Variants in EIF4ENIF1 observed in about 807,000 individuals in gnomAD.
EIF4ENIF1 encodes the protein eukaryotic translation initiation factor 4E transporter.
EIF4ENIF1 carries 23 observed loss-of-function variants against 110.5 expected under a neutral mutation model. The observed-to-expected ratio is 0.21, with a 90% CI of 0.15 to 0.29. EIF4ENIF1 has a LOEUF of 0.29. Among genes scored for constraint, EIF4ENIF1 ranks in the 10% least tolerant of loss-of-function variants. EIF4ENIF1 has a pLI of 1.00. For synonymous variants in EIF4ENIF1, 440 were observed against 437.0 expected, an observed-to-expected ratio of 1.01 and a Z score of -0.09; for missense variants, 1,031 against 1,221.1, an observed-to-expected ratio of 0.84 and a Z score of 2.32.
chr22:31,447,684 C>A, intron 13 of EIF4ENIF1, 119 bp from the exon 14 acceptor site: 1 of 1,064,906 alleles, frequency 9.4e-7, no homozygotes, highest in Non-Finnish European at 1.3e-6. Context: ...TTAGATACTG[C>A]GAAACTGACT....
At chr22:31,489,928 C>T (rs919193594), upstream of EIF4ENIF1, 1 of 152,302 alleles carries the variant, frequency 6.6e-6, no homozygotes, top group Admixed American at 6.5e-5. Context: ...CCGCCTTCCC[C>T]GCCGCGCGCC....
At position 31,439,955 on chromosome 22, in the gene EIF4ENIF1, T is replaced by G; in HGVS notation, c.2883A>C (p.Ser961=). Residue 961 remains serine, a synonymous_variant, in exon 19 of 19, where the codon TCA becomes TCC. Coordinates refer to ENST00000330125, the MANE Select transcript of EIF4ENIF1 (RefSeq NM_019843.4). The part of the protein sequence containing the change: ...SPVGLAKWFG[S]DVLQQPLPSM... ...AGGGCAGGGGTTGCTGTAGCACATCTGAGCCAAACCATTTGGCAAGGCCCA... is the reference window on the plus strand; with the variant it reads ...AGGGCAGGGGTTGCTGTAGCACATCGGAGCCAAACCATTTGGCAAGGCCCA... The G allele has an allele frequency of 1.9e-6, 3 of 1,614,190 alleles. No homozygotes were observed. The highest frequency in any genetic ancestry group is 2.5e-6 in the Non-Finnish European group (3 of 1,180,018).
At chr22:31,470,093 G>A (rs1209143051) in intron 3 of EIF4ENIF1, among the ~76,000 whole-genome samples, 3 of 150,302 alleles carry the variant, frequency 2.0e-5, no homozygotes, top group African/African-American at 7.3e-5. Flanking sequence ...GAACCCGGGA[G>A]GGGAAGGTTG....
Position 31,441,776 on chromosome 22 carries a change from G to T in EIF4ENIF1, c.2549C>A (p.Thr850Asn), listed in dbSNP as rs2050306069. 6.2e-7 allele frequency: 1 copy of T among 1,608,472 alleles called. No homozygotes were observed. The highest frequency in any genetic ancestry group is 1.1e-5 in the South Asian group (1 of 90,690). ...HPQHLPSLLQTGVLPPGMDLS... is the reference protein window; with the variant it reads ...HPQHLPSLLQNGVLPPGMDLS... Reference sequence around the variant, plus strand: ...CCCAAGTCAGGCTGGAAACTCACCAGTTTGGAGCAAACTTGGAAGATGCTG... The same window carrying T: ...CCCAAGTCAGGCTGGAAACTCACCATTTTGGAGCAAACTTGGAAGATGCTG... Residue 850 changes from threonine to asparagine, a missense_variant and splice_region_variant, in exon 17 of 19, where the codon ACT (threonine) becomes AAT (asparagine). Coordinates refer to ENST00000330125, the MANE Select transcript of EIF4ENIF1 (RefSeq NM_019843.4).
At chr22:31,476,863 G>T (rs891270791) in intron 2 of EIF4ENIF1, among the ~76,000 whole-genome samples, 2 of 151,588 alleles carry the variant, frequency 1.3e-5, no homozygotes, top group African/African-American at 4.8e-5. Flanking sequence ...AGCCAGGTGT[G>T]GGGGTGCACA....
At chr22:31,437,384 T>G (rs1462489260), downstream of EIF4ENIF1, 2 of 152,140 alleles carry the variant, frequency 1.3e-5, no homozygotes, top group Non-Finnish European at 2.9e-5. Context: ...TCCCTTCCTC[T>G]CTGCCCTCAT....
intron 2 of EIF4ENIF1, among the ~76,000 whole-genome samples, chr22:31,479,684 GGT>G (rs954404142): frequency 1.9e-5 from 2 of 105,036 alleles, no homozygotes; most frequent in African/African-American, 3.4e-5. Flanking sequence ...CTTTTGGAAA[GGT>G]GTTTTTTTTT....
intron 12 of EIF4ENIF1, 113 bp from the exon 13 acceptor site, chr22:31,448,345 T>G: frequency 9.4e-7 from 1 of 1,059,058 alleles, no homozygotes; most frequent in South Asian, 1.3e-5. Context: ...AAAGCACTGA[T>G]TTATTGGGCT....
intron 10 of EIF4ENIF1, 65 bp from the exon 11 acceptor site, chr22:31,450,425 G>A: frequency 1.2e-5 from 16 of 1,331,370 alleles, no homozygotes; most frequent in Non-Finnish European, 1.7e-5. Flanking sequence ...GATTGATTGG[G>A]GACCACAAGA....
At chr22:31,438,762 C>T (rs899435916), downstream of EIF4ENIF1, among the ~76,000 whole-genome samples, 11 of 151,648 alleles carry the variant, frequency 7.3e-5, 1 homozygote, top group Non-Finnish European at 1.3e-4. Flanking sequence ...CTCACTCTGT[C>T]GCCAGGCTGG....
At chr22:31,444,888 G>C (rs2050414243) in intron 14 of EIF4ENIF1, among the ~76,000 whole-genome samples, 198 bp from the exon 15 acceptor site, 1 of 152,172 alleles carries the variant, frequency 6.6e-6, no homozygotes, top group African/African-American at 2.4e-5. Context: ...ATGAAACACA[G>C]TCCCAGTCTT....
At chr22:31,441,692 C>T in intron 17 of EIF4ENIF1, 82 bp downstream of exon 17, 1 of 1,214,304 alleles carries the variant, frequency 8.2e-7, no homozygotes, top group Non-Finnish European at 1.1e-6. Flanking sequence ...GGAAATCTCC[C>T]ACATTATAGC....
chr22:31,443,806 C>CTTTT (rs386395221), intron 15 of EIF4ENIF1, among the ~76,000 whole-genome samples: 3 of 129,142 alleles, frequency 2.3e-5, no homozygotes, highest in East Asian at 2.4e-4. Context: ...GGGAATGAAC[C>CTTTT]TTTTTTTTTT....
At chr22:31,442,860 T>C in intron 16 of EIF4ENIF1, 102 bp downstream of exon 16, 1 of 1,463,706 alleles carries the variant, frequency 6.8e-7, no homozygotes, top group Non-Finnish European at 9.2e-7. Context: ...CTAGTGGTCT[T>C]GCCCAGGGCT....
At chr22:31,468,043 A>G in intron 4 of EIF4ENIF1, 132 bp downstream of exon 4, 1 of 1,352,778 alleles carries the variant, frequency 7.4e-7, no homozygotes. Context: ...GAAAAATCCA[A>G]CCGATAAATC....
chr22:31,455,279 G>C lies in EIF4ENIF1; in HGVS notation c.1136C>G (p.Ser379Trp), dbSNP rs752932589. Residue 379 changes from serine to tryptophan, a missense_variant, in exon 9 of 19, where the codon TCG (serine) becomes TGG (tryptophan). Coordinates refer to ENST00000330125, the MANE Select transcript of EIF4ENIF1 (RefSeq NM_019843.4). ...EQAILSPGQNSGNYFAPIPLE... is the reference protein window; with the variant it reads ...EQAILSPGQNWGNYFAPIPLE... ...TGGTATAGGAGCAAAGTAATTCCCC[G>C]AGTTCTGTCCAGGAGAGAGGATGGC... 6.2e-7 allele frequency: 1 copy of C among 1,611,236 alleles called. No homozygotes were observed. Among genetic ancestry groups the C allele is most frequent in the East Asian group, 2.2e-5 (1 of 44,814 alleles).
At chr22:31,475,112 A>G (rs2051524897) in intron 2 of EIF4ENIF1, among the ~76,000 whole-genome samples, 1 of 152,244 alleles carries the variant, frequency 6.6e-6, no homozygotes, top group African/African-American at 2.4e-5. Flanking sequence ...CTTCAGTTTT[A>G]AGACCAGGAT....
Position 31,441,550 on chromosome 22 carries a change from G to GAAAAA in EIF4ENIF1, c.2551+219_2551+223dup, listed in dbSNP as rs771597260. Among the ~76,000 whole-genome samples, 504 of 65,210 alleles carry GAAAAA rather than the reference G, an allele frequency of 7.7e-3. 16 individuals are homozygous for GAAAAA. The highest frequency in any genetic ancestry group is 0.057 in the East Asian group (141 of 2,488). 42.8% of individuals were successfully genotyped at this position (65,210 alleles called of 152,430 possible). A position where few individuals can be genotyped will look rare whatever the true frequency, so the allele number is the denominator to read the frequency against. On this transcript the variant is annotated intron_variant, in intron 17 of 18. Transcript: ENST00000330125. The stretch of plus-strand genomic sequence containing the variant: ...GTGAGACTTCTGTCTCTACAAAAAG[G>GAAAAA]AAAAAAAAAAAAAAAAAAAAAAAGA...
At chr22:31,444,818 G>T in intron 14 of EIF4ENIF1, 128 bp from the exon 15 acceptor site, 2 of 841,568 alleles carry the variant, frequency 2.4e-6, no homozygotes, top group Non-Finnish European at 3.9e-6. Context: ...AATTTCCCAA[G>T]CATTTAGGCC....
Sources: gnomAD v4.1 joint callset for allele counts (sites outside exome capture counted in the v4.1 genomes callset) on GRCh38, gnomAD v4.1.1 for gene constraint, MANE v1.5 for transcripts, NCBI Gene and HGNC (gene_info 2026-07-23, HGNC 2026-07-21) for gene names.